Variants in RNLS observed in about 807,000 individuals in gnomAD.
RNLS encodes the protein renalase.
In RNLS, 39 loss-of-function variants were observed where a neutral mutation model predicts 39.8. That is an observed-to-expected ratio of 0.98 (90% CI 0.76 to 1.28). The LOEUF (loss-of-function observed/expected upper bound fraction) is 1.28. Among genes scored for constraint, RNLS ranks in the 50% most tolerant of loss-of-function variants. The probability of loss-of-function intolerance (pLI) is 0.00; values close to 1 mark genes in which losing one functional copy is unlikely to be tolerated. For synonymous variants in RNLS, 147 were observed against 150.7 expected (o/e 0.98, Z 0.18); for missense variants, 410 against 413.3 (o/e 0.99, Z 0.07).
chr10:88,175,179 TTTTG>T, the RNLS span, among the ~76,000 whole-genome samples: 1 of 152,094 alleles, frequency 6.6e-6, no homozygotes, highest in Non-Finnish European at 1.5e-5. Context: ...GGTTTGTGGA[TTTTG>T]TTTATTTTTT....
chr10:88,467,730 G>T (rs1044169203), intron 4 of RNLS, among the ~76,000 whole-genome samples: 1 of 152,118 alleles, frequency 6.6e-6, no homozygotes, highest in Non-Finnish European at 1.5e-5. Context: ...GGTGTCAGGA[G>T]ACTTAAGAGC....
At chr10:88,466,546 T>C (rs1320473754) in intron 4 of RNLS, among the ~76,000 whole-genome samples, 2 of 152,166 alleles carry the variant, frequency 1.3e-5, no homozygotes, top group African/African-American at 4.8e-5. Flanking sequence ...TTCCTATTGT[T>C]CAATTCAGCT....
intron 6 of RNLS, among the ~76,000 whole-genome samples, chr10:88,278,381 T>C (rs1470832482): frequency 6.6e-6 from 1 of 152,230 alleles, no homozygotes; most frequent in African/African-American, 2.4e-5. Flanking sequence ...TTGGCAACTG[T>C]CTTGCAGAAG....
At chr10:88,491,198 G>C (rs1189871263) in intron 4 of RNLS, among the ~76,000 whole-genome samples, 1 of 152,098 alleles carries the variant, frequency 6.6e-6, no homozygotes, top group East Asian at 1.9e-4. Context: ...TCACACTCTA[G>C]GTTTCTTTCC....
At chr10:88,196,122 T>C in the RNLS span, among the ~76,000 whole-genome samples, 151 of 152,162 alleles carry the variant, frequency 9.9e-4, 1 homozygote, top group East Asian at 0.013. Flanking sequence ...TTATAGATGG[T>C]TGAAATTTGA....
intron 4 of RNLS, among the ~76,000 whole-genome samples, chr10:88,567,458 A>T (rs1319926708): frequency 6.6e-6 from 1 of 152,200 alleles, no homozygotes; most frequent in East Asian, 1.9e-4. Flanking sequence ...TGGAGTATGT[A>T]ATTTACAGCA....
At chr10:88,398,946 TA>T (rs1852736260) in intron 4 of RNLS, among the ~76,000 whole-genome samples, 7 of 152,030 alleles carry the variant, frequency 4.6e-5, no homozygotes, top group African/African-American at 1.7e-4. Flanking sequence ...AATAAAAACA[TA>T]AATAACCCAA....
chr10:88,186,738 T>TA, the RNLS span, among the ~76,000 whole-genome samples: 1,618 of 148,046 alleles, frequency 0.011, 25 homozygotes, highest in African/African-American at 0.037. Context: ...TTCTTTACGG[T>TA]AAAAAAAAAA....
the RNLS span, among the ~76,000 whole-genome samples, chr10:88,230,457 C>T: frequency 6.6e-6 from 1 of 152,122 alleles, no homozygotes; most frequent in African/African-American, 2.4e-5. Flanking sequence ...CTCAGCCATT[C>T]TTCCCTAACG....
intron 6 of RNLS, among the ~76,000 whole-genome samples, chr10:88,289,063 G>C (rs781568242): frequency 5.3e-5 from 8 of 152,142 alleles, no homozygotes; most frequent in Non-Finnish European, 1.2e-4. Flanking sequence ...GTGTGCCAGG[G>C]CTGGTCAGAA....
intron 4 of RNLS, among the ~76,000 whole-genome samples, chr10:88,425,569 T>A (rs1448082408): frequency 6.6e-6 from 1 of 152,120 alleles, no homozygotes; most frequent in African/African-American, 2.4e-5. Context: ...AGCCACCTCA[T>A]TAACAATGAT....
At chr10:88,416,628 T>C (rs1589755870) in intron 4 of RNLS, among the ~76,000 whole-genome samples, 2 of 152,240 alleles carry the variant, frequency 1.3e-5, no homozygotes, top group East Asian at 3.8e-4. Flanking sequence ...TATGTGTTTC[T>C]TTCTTCAAAT....
Position 88,300,577 on chromosome 10 carries a change from G to C in RNLS, c.876+13889C>G, listed in dbSNP as rs141351917. Among the ~76,000 whole-genome samples, 51 of 152,280 alleles carry C rather than the reference G, an allele frequency of 3.3e-4. No individual in the cohort carries two copies. The East Asian group carries it at 8.1e-3, about 24-fold the overall frequency. On this transcript the variant is annotated intron_variant, in intron 6 of 6. Coordinates refer to ENST00000331772, the MANE Select transcript of RNLS (RefSeq NM_001031709.3). ...CTACTTCTTACCACTTCCTCCCAAAGTCTGCTCTGTGCTCACATAGTATAT... is the reference window on the plus strand; with the variant it reads ...CTACTTCTTACCACTTCCTCCCAAACTCTGCTCTGTGCTCACATAGTATAT...
chr10:88,175,420 C>A, the RNLS span, among the ~76,000 whole-genome samples: 1 of 152,038 alleles, frequency 6.6e-6, no homozygotes, highest in East Asian at 1.9e-4. Flanking sequence ...TTTGCTATAA[C>A]CTCAGGTTTT....
At chr10:88,305,645 T>C (rs1589506026) in intron 6 of RNLS, among the ~76,000 whole-genome samples, 1 of 152,306 alleles carries the variant, frequency 6.6e-6, no homozygotes, top group African/African-American at 2.4e-5. Context: ...TAAATATATA[T>C]GCACCCAATA....
intron 4 of RNLS, among the ~76,000 whole-genome samples, chr10:88,366,154 T>C (rs1018210181): frequency 6.6e-6 from 1 of 152,034 alleles, no homozygotes; most frequent in African/African-American, 2.4e-5. Flanking sequence ...TAAGGAAAAA[T>C]AAAGCAGGTA....
intron 5 of RNLS, among the ~76,000 whole-genome samples, chr10:88,359,609 C>A (rs547125168): frequency 1.6e-3 from 242 of 152,328 alleles, no homozygotes; most frequent in African/African-American, 5.5e-3. Flanking sequence ...GCTGAAGTGG[C>A]ACCACCATGG....
At chr10:88,481,565 T>C (rs1409165604) in intron 4 of RNLS, among the ~76,000 whole-genome samples, 7 of 152,160 alleles carry the variant, frequency 4.6e-5, no homozygotes, top group Non-Finnish European at 1.0e-4. Context: ...TCGTGAAACA[T>C]AGAAAATCTG....
chr10:88,180,146 G>A, the RNLS span, among the ~76,000 whole-genome samples: 15 of 152,234 alleles, frequency 9.9e-5, no homozygotes, highest in South Asian at 6.2e-4. Context: ...AAATTGTTTC[G>A]TTTATAAGAT....
Sources: allele counts gnomAD v4.1 joint callset (sites outside exome capture counted in the v4.1 genomes callset), GRCh38; gene constraint gnomAD v4.1.1; transcripts MANE v1.5; gene names NCBI Gene and HGNC (gene_info 2026-07-23, HGNC 2026-07-21).